The following ACAD9 variants were observed in gnomAD, a reference collection of about 807,000 sequenced individuals.
The protein encoded by ACAD9 is complex I assembly factor ACAD9, mitochondrial.
ACAD9 carries 53 observed loss-of-function variants against 70.2 expected under a neutral mutation model. That is an observed-to-expected ratio of 0.75 (90% CI 0.61 to 0.95). ACAD9 has a LOEUF of 0.95. ACAD9 is among the 40% of genes least tolerant of loss of function. ACAD9 has a pLI of 0.00. For missense variants in ACAD9, 777 were observed against 802.8 expected (o/e 0.97, Z 0.39); for synonymous variants, 313 against 312.1 (o/e 1.00, Z -0.03).
At position 128,902,293 on chromosome 3, in the gene ACAD9, C is replaced by T. The variant is rs538150737; in HGVS notation, c.883-260C>T. Reference sequence around the variant, plus strand: ...GGCTCAAGCGATCCTCTTGCCTTGGCCTTCCAAAATGCTGGTACTACAGGT... The same window carrying T: ...GGCTCAAGCGATCCTCTTGCCTTGGTCTTCCAAAATGCTGGTACTACAGGT... On this transcript the variant is annotated intron_variant, in intron 8 of 17. Coordinates refer to ENST00000308982, the MANE Select transcript of ACAD9 (RefSeq NM_014049.5). The surrounding 1 kb of genome is among the most constrained non-coding windows in gnomAD (Gnocchi z 4.0). Among the ~76,000 whole-genome samples the T allele has an allele frequency of 2.2e-4, 34 of 152,350 alleles. No individual in the cohort carries two copies. Among genetic ancestry groups the T allele is most frequent in the Middle Eastern group, 6.8e-3 (2 of 294 alleles).
At chr3:128,883,073 G>GTT (rs58094285) in intron 1 of ACAD9, among the ~76,000 whole-genome samples, 5 of 139,086 alleles carry the variant, frequency 3.6e-5, no homozygotes, top group Non-Finnish European at 6.2e-5. Flanking sequence ...CCATCAGCTT[G>GTT]TTTTTTTTTT....
At position 128,912,495 on chromosome 3, in the gene ACAD9, T is replaced by C; in HGVS notation, c.1766-12T>C. On this transcript the variant is annotated splice_polypyrimidine_tract_variant and intron_variant, in intron 17 of 17. Coordinates refer to ENST00000308982, the MANE Select transcript of ACAD9 (RefSeq NM_014049.5). ...AGAAAGATCACCCACCATCTCTCCT[T>C]TTCCTTCCCAGATGCTCCAGAAAAC... 2 of 1,612,092 alleles carry C rather than the reference T, an allele frequency of 1.2e-6. No homozygotes were observed. The highest frequency in any genetic ancestry group is 1.7e-6 in the Non-Finnish European group (2 of 1,178,304).
rs780360525 is a variant in ACAD9, at chr3:128,896,417, CTG to C, written c.454-15_454-14del. 5 of 1,611,314 alleles carry C rather than the reference CTG, an allele frequency of 3.1e-6. No homozygotes were observed. The highest frequency in any genetic ancestry group is 2.2e-5 in the East Asian group (1 of 44,876). On this transcript the variant is annotated splice_polypyrimidine_tract_variant and intron_variant, in intron 4 of 17. Transcript: ENST00000308982. ...CTTTCTCCCCACAGCTGACATTAGT[CTG>C]TGTCTGTTTTGTTTAGGGGATCATC...
chr3:128,880,063 C>T (rs1419179551), intron 1 of ACAD9: 7 of 1,503,204 alleles, frequency 4.7e-6, no homozygotes, highest in South Asian at 1.2e-5. Flanking sequence ...GTGGTGGTGA[C>T]GTGTTCCAGC....
intron 2 of ACAD9, among the ~76,000 whole-genome samples, chr3:128,886,994 C>T (rs922506949): frequency 1.3e-5 from 2 of 151,832 alleles, no homozygotes; most frequent in African/African-American, 2.4e-5. Context: ...TGCAGTGGTA[C>T]GACCTCAGCT....
intron 6 of ACAD9, 48 bp from the exon 7 acceptor site, chr3:128,899,239 G>A (rs1935659143): frequency 6.2e-7 from 1 of 1,600,490 alleles, no homozygotes; most frequent in Non-Finnish European, 8.6e-7. Context: ...GCTGAGGTGG[G>A]TCACATAGGG....
chr3:128,888,794 T>G (rs1047758837), intron 2 of ACAD9, among the ~76,000 whole-genome samples: 5 of 151,934 alleles, frequency 3.3e-5, no homozygotes, highest in African/African-American at 9.7e-5. Flanking sequence ...TTAGAAATAC[T>G]TATTTCTGCT....
rs1936012216 is a variant in ACAD9 at position 128,908,993 on chromosome 3, T to C, written c.1379T>C (p.Val460Ala). 3.7e-6 allele frequency: 6 copies of C among 1,614,002 alleles called. No individual in the cohort carries two copies. Among genetic ancestry groups the C allele is most frequent in the Admixed American group, 3.3e-5 (2 of 60,006 alleles). The part of the protein sequence containing the change: ...TRIHELKQAK[V>A]STVMDTVGRR... The stretch of plus-strand genomic sequence containing the variant: ...TGCAGTGAGCTTAAACAGGCCAAAG[T>C]GAGCACAGTCATGGATACCGTTGGC... The change falls in exon 14 of 18, where the codon GTG becomes GCG. Residue 460 changes from valine to alanine, a missense_variant. Transcript: ENST00000308982.
chr3:128,899,570 G>A, intron 7 of ACAD9, 109 bp downstream of exon 7: 2 of 1,227,452 alleles, frequency 1.6e-6, no homozygotes, highest in Non-Finnish European at 2.2e-6. Context: ...GTGTAAGGGG[G>A]AGACTGGCCC....
At position 128,908,220 on chromosome 3, in the gene ACAD9, G is replaced by C. The variant is rs760301128; in HGVS notation, c.1314G>C (p.Leu438=). The C allele has an allele frequency of 1.2e-6, 2 of 1,614,054 alleles. No homozygotes were observed. Among genetic ancestry groups the C allele is most frequent in the Admixed American group, 1.7e-5 (1 of 60,008 alleles). The change falls in exon 13 of 18, where the codon CTG becomes CTC. Residue 438 remains leucine, a synonymous_variant. Transcript: ENST00000308982. ...TNEILRMYIA[L]TGLQHAGRIL... ...AGATTCTCCGGATGTACATCGCCCT[G>C]ACGGGTCTGCAGCATGCCGGCCGCA... is the stretch of plus-strand genomic sequence containing the variant.
rs1204829477 is a variant in ACAD9 at position 128,902,990 on chromosome 3, GATACAC to G, written c.958+363_958+368del. Among the ~76,000 whole-genome samples, 1 of 152,170 alleles carries G rather than the reference GATACAC, an allele frequency of 6.6e-6. No individual in the cohort carries two copies. The highest frequency in any genetic ancestry group is 2.4e-5 in the African/African-American group (1 of 41,440). ...CACACACCAAGAACCAGGCTTCCAGGATACACGGCCTCTGGTTCCCAAGGTCCGTGC... is the reference window on the plus strand; with the variant it reads ...CACACACCAAGAACCAGGCTTCCAGGGGCCTCTGGTTCCCAAGGTCCGTGC... On this transcript the variant is annotated intron_variant, in intron 9 of 17. Coordinates refer to ENST00000308982, the MANE Select transcript of ACAD9 (RefSeq NM_014049.5). The surrounding 1 kb of genome is among the most constrained non-coding windows in gnomAD (Gnocchi z 4.0).
At chr3:128,909,537 C>T in intron 15 of ACAD9, 116 bp downstream of exon 15, 1 of 1,135,458 alleles carries the variant, frequency 8.8e-7, no homozygotes, top group Non-Finnish European at 1.3e-6. Flanking sequence ...AAATGTTGAT[C>T]ACCCTGGAGG....
chr3:128,894,748 T>C (rs1935520832), intron 3 of ACAD9, among the ~76,000 whole-genome samples: 1 of 152,002 alleles, frequency 6.6e-6, no homozygotes, highest in South Asian at 2.1e-4. Context: ...TTGCCCAGGC[T>C]AGTCTTGAAT....
chr3:128,895,693 A>G (rs931420438), intron 4 of ACAD9, among the ~76,000 whole-genome samples: 2 of 145,470 alleles, frequency 1.4e-5, no homozygotes, highest in Non-Finnish European at 3.0e-5. Flanking sequence ...GTAGGGTGCC[A>G]CTGCCTTCGC....
chr3:128,899,363 C>A lies in ACAD9; in HGVS notation c.710C>A (p.Ser237Ter). The A allele has an allele frequency of 6.2e-7, 1 of 1,614,252 alleles. No individual in the cohort carries two copies. Among genetic ancestry groups the A allele is most frequent in the Non-Finnish European group, 8.5e-7 (1 of 1,180,044 alleles). ...ACTGAGGTCGTTGATTCTGATGGATCAGTGAAAGACAAAATCACAGCATTC... is the reference window on the plus strand; with the variant it reads ...ACTGAGGTCGTTGATTCTGATGGATAAGTGAAAGACAAAATCACAGCATTC... ...AKTEVVDSDG[S>*]VKDKITAFIV... is the part of the protein sequence containing the mutation. The change falls in exon 7 of 18, where the codon TCA (serine) becomes TAA (stop). Residue 237 changes from serine to a stop codon, truncating the protein, a stop_gained. Transcript: ENST00000308982. LOFTEE classifies it high-confidence loss of function.
chr3:128,911,313 C>T (rs556517900), intron 17 of ACAD9, among the ~76,000 whole-genome samples: 43 of 152,256 alleles, frequency 2.8e-4, no homozygotes, highest in African/African-American at 9.9e-4. Context: ...CTGCCTCAGC[C>T]TCCAAAAATG....
At chr3:128,898,513 C>T (rs1338910698) in intron 6 of ACAD9, 4 of 397,790 alleles carry the variant, frequency 1.0e-5, no homozygotes, top group African/African-American at 5.1e-5. Context: ...TCAGGTGATT[C>T]TCCTACCTCA....
Position 128,904,392 on chromosome 3 carries a change from T to A in ACAD9, c.1036T>A (p.Phe346Ile), listed in dbSNP as rs766670497. The A allele has an allele frequency of 6.2e-7, 1 of 1,614,202 alleles. No homozygotes were observed. Among genetic ancestry groups the A allele is most frequent in the Non-Finnish European group, 8.5e-7 (1 of 1,180,032 alleles). The change falls in exon 11 of 18, where the codon TTT (phenylalanine) becomes ATT (isoleucine). Residue 346 changes from phenylalanine (F) to isoleucine (I), a missense_variant. Phe to Ile is a conservative substitution (Grantham distance 21, BLOSUM62 0). Transcript: ENST00000308982. ...LSEFGLIQEK[F>I]ALMAQKAYVM... is the part of the protein sequence containing the mutation. ...TTTTTTCTGAACACTCCAGGAGAAATTTGCACTGATGGCTCAGAAGGCTTA... is the reference window on the plus strand; with the variant it reads ...TTTTTTCTGAACACTCCAGGAGAAAATTGCACTGATGGCTCAGAAGGCTTA...
chr3:128,894,424 A>G (rs1412469023), intron 3 of ACAD9, among the ~76,000 whole-genome samples: 1 of 152,170 alleles, frequency 6.6e-6, no homozygotes, highest in Non-Finnish European at 1.5e-5. Flanking sequence ...ATGTGTGTGT[A>G]GATATCTTCA....
Sources: allele counts gnomAD v4.1 joint callset (sites outside exome capture counted in the v4.1 genomes callset), GRCh38; gene constraint gnomAD v4.1.1; non-coding constraint Gnocchi (gnomAD v3.1); transcripts MANE v1.5; gene names NCBI Gene and HGNC (gene_info 2026-07-23, HGNC 2026-07-21).